The following GTF2I variants were observed in gnomAD, a reference collection of about 807,000 sequenced individuals.
GTF2I encodes the protein general transcription factor IIi.
GTF2I carries 12 observed loss-of-function variants against 67.6 expected under a neutral mutation model. That is an observed-to-expected ratio of 0.18 (90% CI 0.11 to 0.29). The LOEUF (loss-of-function observed/expected upper bound fraction) is 0.29, where lower values mean the gene tolerates loss of function less well. Ranked by LOEUF, GTF2I falls within the 10% of genes least tolerant of loss-of-function variation. The pLI is 1.00. For missense variants in GTF2I, 271 were observed against 580.1 expected, an observed-to-expected ratio of 0.47 and a Z score of 5.47; for synonymous variants, 149 against 197.0, an observed-to-expected ratio of 0.76 and a Z score of 2.04.
At chr7:74,704,575 G>C (rs1453206496) in intron 6 of GTF2I, among the ~76,000 whole-genome samples, 2 of 152,176 alleles carry the variant, frequency 1.3e-5, no homozygotes, top group East Asian at 3.8e-4. Context: ...TTACAGGTGT[G>C]AGCCTCCACG....
intron 1 of GTF2I, among the ~76,000 whole-genome samples, chr7:74,677,439 CATT>C (rs1361320382): frequency 6.6e-6 from 1 of 152,156 alleles, no homozygotes; most frequent in East Asian, 1.9e-4. Context: ...TTAGTGTATA[CATT>C]CAAGAATATG....
In GTF2I at chr7:74,673,111, T is replaced by C. The variant is rs188277110; in HGVS notation, c.-6+15043T>C. On this transcript the variant is annotated intron_variant, in intron 1 of 34. Coordinates refer to ENST00000573035, the MANE Select transcript of GTF2I (RefSeq NM_032999.4). ...TCCTGACCTCATGATCTGCCCGCCT[T>C]GGCCTCCCAAAGTGCTGGGATTACA... Among the ~76,000 whole-genome samples the C allele has an allele frequency of 7.2e-5, 11 of 152,210 alleles. No homozygotes were observed. The East Asian group carries it at 1.9e-3, about 27-fold the overall frequency.
chr7:74,704,785 T>A (rs1410942151), intron 6 of GTF2I, among the ~76,000 whole-genome samples: 1 of 142,896 alleles, frequency 7.0e-6, no homozygotes, highest in Non-Finnish European at 1.5e-5. Context: ...TCCTCGAGAG[T>A]TGGAGGCTGC....
chr7:74,690,026 C>T (rs1314469863), intron 2 of GTF2I, among the ~76,000 whole-genome samples: 2 of 151,810 alleles, frequency 1.3e-5, no homozygotes, highest in African/African-American at 4.8e-5. Context: ...CTAGCCTGGC[C>T]AACATTGTGA....
intron 3 of GTF2I, 63 bp from the exon 4 acceptor site, chr7:74,698,898 A>G: frequency 2.6e-6 from 2 of 782,284 alleles, no homozygotes; most frequent in South Asian, 4.9e-5. Context: ...AAAACCAAAT[A>G]TTAAGGTAAT....
intron 1 of GTF2I, among the ~76,000 whole-genome samples, chr7:74,665,791 C>T (rs1357827208): frequency 9.9e-5 from 15 of 152,176 alleles, no homozygotes; most frequent in African/African-American, 3.4e-4. Flanking sequence ...AGGGCAAGGA[C>T]TTATTCCTCT....
intron 12 of GTF2I, among the ~76,000 whole-genome samples, chr7:74,723,416 C>A (rs1554405016): frequency 7.8e-6 from 1 of 127,522 alleles, no homozygotes; most frequent in African/African-American, 3.5e-5. Context: ...CATAAGCCAC[C>A]GCTCCCGGCC....
intron 1 of GTF2I, among the ~76,000 whole-genome samples, chr7:74,658,595 C>T (rs1195856757): frequency 6.7e-6 from 1 of 150,324 alleles, no homozygotes; most frequent in Non-Finnish European, 1.5e-5. Flanking sequence ...GGGCAGCAGA[C>T]GCGCGGGATT....
chr7:74,703,110 G>C (rs782530869), intron 6 of GTF2I, among the ~76,000 whole-genome samples: 5 of 151,834 alleles, frequency 3.3e-5, no homozygotes, highest in Non-Finnish European at 5.9e-5. Flanking sequence ...AATTGGGTTT[G>C]TTTGTCTTTT....
intron 1 of GTF2I, among the ~76,000 whole-genome samples, chr7:74,670,699 C>CAAAAAAAAAAAA: frequency 1.1e-5 from 1 of 91,026 alleles, no homozygotes; most frequent in Admixed American, 1.1e-4. Context: ...CAAAAAAAAA[C>CAAAAAAAAAAAA]AAAAAAAAAA....
intron 1 of GTF2I, among the ~76,000 whole-genome samples, chr7:74,664,520 G>A (rs372414530): frequency 2.0e-5 from 3 of 152,130 alleles, no homozygotes; most frequent in Admixed American, 6.6e-5. Flanking sequence ...TGCAACTCTC[G>A]CCTCCCAGGT....
At chr7:74,718,447 C>G (rs1444027135) in intron 11 of GTF2I, among the ~76,000 whole-genome samples, 3 of 152,182 alleles carry the variant, frequency 2.0e-5, no homozygotes, top group African/African-American at 7.2e-5. Flanking sequence ...AGGAAAGTCT[C>G]CATTGTAAAG....
intron 1 of GTF2I, among the ~76,000 whole-genome samples, chr7:74,669,431 A>T (rs1351119937): frequency 6.7e-6 from 1 of 149,732 alleles, no homozygotes; most frequent in African/African-American, 2.5e-5. Flanking sequence ...AGGTTTCATC[A>T]TGTTGGCCAG....
At chr7:74,701,061 C>T (rs587672935) in intron 6 of GTF2I, among the ~76,000 whole-genome samples, 115 of 152,284 alleles carry the variant, frequency 7.6e-4, no homozygotes, top group Middle Eastern at 3.4e-3. Context: ...TGCATCCCTA[C>T]GGCAAGAATG....
chr7:74,683,001 G>A (rs1190980856), intron 1 of GTF2I, among the ~76,000 whole-genome samples: 3 of 117,056 alleles, frequency 2.6e-5, no homozygotes, highest in South Asian at 3.1e-4. Flanking sequence ...AGAAGAAAAC[G>A]TAAAAAAAGG....
intron 1 of GTF2I, among the ~76,000 whole-genome samples, chr7:74,678,962 G>T (rs1301717766): frequency 6.6e-6 from 1 of 151,784 alleles, no homozygotes; most frequent in East Asian, 1.9e-4. Context: ...AATAGAGATG[G>T]GGTTTTAGCA....
chr7:74,695,670 C>T (rs1459832921), intron 3 of GTF2I, among the ~76,000 whole-genome samples: 1 of 151,954 alleles, frequency 6.6e-6, no homozygotes, highest in African/African-American at 2.4e-5. Flanking sequence ...TGTCCCTTAC[C>T]CCCATGCTGT....
Position 74,737,201 on chromosome 7 carries a change from T to TAAA in GTF2I, c.1619+528_1619+530dup, listed in dbSNP as rs879961466. Among the ~76,000 whole-genome samples the TAAA allele has an allele frequency of 7.3e-5, 10 of 136,356 alleles. No individual in the cohort carries two copies. In the East Asian group the frequency reaches 2.1e-3, roughly 29 times the overall value. 89.5% of individuals were successfully genotyped at this position (136,356 alleles called of 152,430 possible). A position where few individuals can be genotyped will look rare whatever the true frequency, so the allele number is the denominator to read the frequency against. ...GAGCGAGACTCCATCTCAAAATAAT[T>TAAA]AAAAAAAAAAAATAGAAAAATGCAA... On this transcript the variant is annotated intron_variant, in intron 18 of 34. Coordinates refer to ENST00000573035, the MANE Select transcript of GTF2I (RefSeq NM_032999.4).
chr7:74,728,400 T>G (rs1206280881), intron 12 of GTF2I, among the ~76,000 whole-genome samples: 1 of 150,538 alleles, frequency 6.6e-6, no homozygotes, highest in African/African-American at 2.4e-5. Flanking sequence ...ATCTTTTCCA[T>G]CTAAGCTGTA....
Sources: allele counts gnomAD v4.1 joint callset (sites outside exome capture counted in the v4.1 genomes callset), GRCh38; gene constraint gnomAD v4.1.1; transcripts MANE v1.5; gene names NCBI Gene and HGNC (gene_info 2026-07-23, HGNC 2026-07-21).